Variants in PLXNA3 observed in about 807,000 individuals in gnomAD.
PLXNA3 encodes plexin A3.
PLXNA3 carries 52 observed loss-of-function variants against 118.8 expected under a neutral mutation model. The ratio of observed to expected loss-of-function variants is 0.44; its 90% confidence interval spans 0.35 to 0.55. The LOEUF (loss-of-function observed/expected upper bound fraction) is 0.55, where lower values mean the gene tolerates loss of function less well. Among genes scored for constraint, PLXNA3 ranks in the 20% least tolerant of loss-of-function variants. The pLI is 0.01. For missense variants in PLXNA3, 1,660 were observed against 1,730.8 expected, an observed-to-expected ratio of 0.96 and a Z score of 0.73; for synonymous variants, 925 against 762.4, an observed-to-expected ratio of 1.21 and a Z score of -3.51.
Position 154,462,142 on chromosome X carries a change from C to T in PLXNA3, c.1149C>T (p.Asn383=), listed in dbSNP as rs142699094. ...LPCINTPMQI[N]GNFCGLVLNQ... ...TGTTTCACCAGCCCATGCAGATCAA[C>T]GGCAACTTCTGTGGGCTGGTGTTGA... The change falls in exon 4 of 33, where the codon AAC becomes AAT. Residue 383 remains asparagine, a synonymous_variant. Coordinates refer to ENST00000369682, the MANE Select transcript of PLXNA3 (RefSeq NM_017514.5). 3.9e-5 allele frequency: 47 copies of T among 1,193,362 alleles called. No individual in the cohort carries two copies. The highest frequency in any genetic ancestry group is 2.3e-4 in the Middle Eastern group (1 of 4,281).
chrX:154,463,316 A>C (rs2069009838), intron 4 of PLXNA3, 75 bp from the exon 5 acceptor site: 1 of 1,191,764 alleles, frequency 8.4e-7, no homozygotes, highest in African/African-American at 1.7e-5. Flanking sequence ...CACAACCTCC[A>C]AAGTCTTTGG....
chrX:154,462,630 C>T (rs1411585036), intron 4 of PLXNA3, among the ~76,000 whole-genome samples: 2 of 112,043 alleles, frequency 1.8e-5, no homozygotes, highest in Non-Finnish European at 3.8e-5. Context: ...TTGCTGGGTC[C>T]TCTGTTGAAT....
In PLXNA3 at chrX:154,460,385, A is replaced by G. The variant is rs949073541; in HGVS notation, c.202A>G (p.Thr68Ala). Residue 68 changes from threonine to alanine, a missense_variant, in exon 2 of 33, where the codon ACG becomes GCG. Physicochemically the swap from Thr to Ala is moderately conservative, Grantham distance 58 (BLOSUM62 0). Around this residue, in one of 2 missense-constraint regions of PLXNA3, gnomAD observed 791 missense variants for 652.1 expected, o/e 1.21. Transcript: ENST00000369682. ...PNLTELRAHV[T>A]GPVEDNARCY... is the part of the protein sequence containing the mutation. ...CCTGACTGAGCTGCGGGCCCATGTC[A>G]CGGGGCCCGTCGAGGACAACGCTCG... The G allele has an allele frequency of 1.2e-4, 143 of 1,206,713 alleles. No homozygotes were observed. The highest frequency in any genetic ancestry group is 1.6e-4 in the Non-Finnish European group (139 of 893,138).
intron 9 of PLXNA3, 120 bp from the exon 10 acceptor site, chrX:154,464,634 C>T: frequency 2.9e-6 from 2 of 690,676 alleles, no homozygotes; most frequent in Non-Finnish European, 4.4e-6. Context: ...CTGACATCCC[C>T]ACATCTCTCT....
rs1557208260 is a variant in PLXNA3, at chrX:154,468,472, A to C, written c.4133A>C (p.Tyr1378Ser). ...TMVALQSRLD[Y>S]ATGLLKQLLA... The stretch of plus-strand genomic sequence containing the variant: ...GTGGCCCTGCAGAGCCGGCTCGACT[A>C]TGCCACGGGGCTGCTCAAGCAACTG... Residue 1378 changes from tyrosine to serine, a missense_variant, in exon 23 of 33, where the codon TAT becomes TCT. Physicochemically the swap from Tyr to Ser is moderately radical, Grantham distance 144 (BLOSUM62 -2). Around this residue, in one of 2 missense-constraint regions of PLXNA3, gnomAD observed 869 missense variants for 1,078.7 expected, o/e 0.81. Transcript: ENST00000369682. 2 of 1,211,063 alleles carry C rather than the reference A, an allele frequency of 1.7e-6. No individual in the cohort carries two copies. The highest frequency in any genetic ancestry group is 3.5e-5 in the South Asian group (2 of 57,015).
chrX:154,466,321 G>A, intron 15 of PLXNA3, 51 bp downstream of exon 15: 4 of 1,211,178 alleles, frequency 3.3e-6, no homozygotes, highest in Non-Finnish European at 4.5e-6. Flanking sequence ...CTCCCGCAAG[G>A]GGCGTGTGGA....
Position 154,468,004 on chromosome X carries a change from G to A in PLXNA3, c.3820+3G>A, listed in dbSNP as rs2069119809. The A allele has an allele frequency of 8.3e-7, 1 of 1,203,888 alleles. No individual in the cohort carries two copies. Among genetic ancestry groups the A allele is most frequent in the Non-Finnish European group, 1.1e-6 (1 of 889,082 alleles). On this transcript the variant is annotated splice_donor_region_variant and intron_variant, in intron 21 of 32. Transcript: ENST00000369682. ...TGTGGCCCTGGAGTGCAAGGAAGGT[G>A]CCTGAGGCGGGGCGGGATGTGGTGT... is the stretch of plus-strand genomic sequence containing the variant.
chrX:154,477,672 T>G lies in PLXNA3; in HGVS notation c.*4987T>G. ...TTTCCTAAATTGTCTTCAATTTCCT[T>G]GTACTCCTTGAATATCTGAATTCTA... On this transcript the variant is annotated 3_prime_UTR_variant, in exon 33 of 33. Coordinates refer to ENST00000369682, the MANE Select transcript of PLXNA3 (RefSeq NM_017514.5). 1 of 298,391 alleles carries G rather than the reference T, an allele frequency of 3.4e-6. No individual in the cohort carries two copies. Among genetic ancestry groups the G allele is most frequent in the Non-Finnish European group, 5.8e-6 (1 of 172,564 alleles). 24.6% of individuals were successfully genotyped at this position (298,391 alleles called of 1,213,427 possible).
chrX:154,467,874 G>C lies in PLXNA3; in HGVS notation c.3693G>C (p.Leu1231=), dbSNP rs374144343. Residue 1231 remains leucine, a synonymous_variant, in exon 21 of 33, where the codon CTG becomes CTC. Coordinates refer to ENST00000369682, the MANE Select transcript of PLXNA3 (RefSeq NM_017514.5). ...MMGLAAGGGL[L]LLAITAVLVA... is the part of the protein sequence containing the mutation. ...GGCTGGCGGCGGGGGGTGGGCTCCT[G>C]CTGCTGGCCATCACAGCCGTGCTGG... 2.1e-5 allele frequency: 25 copies of C among 1,207,372 alleles called. No homozygotes were observed. Among genetic ancestry groups the C allele is most frequent in the Non-Finnish European group, 2.8e-5 (25 of 894,667 alleles).
rs1484373667 is a variant in PLXNA3, at chrX:154,460,658, G to C, written c.475G>C (p.Gly159Arg). Reference protein sequence around the residue: ...DSMAGVIVEQGQGPSKLFVGT... With the variant: ...DSMAGVIVEQRQGPSKLFVGT... ...CATGGCTGGTGTCATTGTGGAGCAG[G>C]GCCAGGGGCCCAGCAAGCTGTTTGT... is the stretch of plus-strand genomic sequence containing the variant. Residue 159 changes from glycine (G) to arginine (R), a missense_variant, in exon 2 of 33, where the codon GGC (glycine) becomes CGC (arginine). Gly to Arg is a moderately radical substitution (Grantham distance 125). Transcript: ENST00000369682. 6 of 1,167,656 alleles carry C rather than the reference G, an allele frequency of 5.1e-6. No individual in the cohort carries two copies. Among genetic ancestry groups the C allele is most frequent in the Admixed American group, 2.5e-5 (1 of 39,528 alleles).
At position 154,460,604 on chromosome X, in the gene PLXNA3, T is replaced by C. The variant is rs2068932011; in HGVS notation, c.421T>C (p.Tyr141His). The C allele has an allele frequency of 8.4e-7, 1 of 1,196,821 alleles. No homozygotes were observed. Among genetic ancestry groups the C allele is most frequent in the Admixed American group, 2.2e-5 (1 of 44,767 alleles). ...TGAGCCGCACCACCGCAAGGAGCAC[T>C]ACCTGTCGGGGGCCCAGGAGCCCGA... ...LGEPHHRKEH[Y>H]LSGAQEPDSM... The change falls in exon 2 of 33, where the codon TAC becomes CAC. Residue 141 changes from tyrosine (Y) to histidine (H), a missense_variant. By Grantham distance (83) the Tyr-to-His change is moderately conservative (BLOSUM62 2). This residue lies in a region of PLXNA3 where 791 missense variants were observed against 652.1 expected (regional missense o/e 1.21). Coordinates refer to ENST00000369682, the MANE Select transcript of PLXNA3 (RefSeq NM_017514.5).
intron 2 of PLXNA3, 89 bp downstream of exon 2, chrX:154,460,866 G>T: frequency 1.4e-6 from 1 of 728,459 alleles, no homozygotes; most frequent in Non-Finnish European, 2.0e-6. Context: ...GGGACTTTCG[G>T]CTCCTCAGTG....
At chrX:154,461,772 G>C in intron 3 of PLXNA3, 134 bp downstream of exon 3, 1 of 619,221 alleles carries the variant, frequency 1.6e-6, no homozygotes, top group Non-Finnish European at 2.5e-6. Context: ...CCTCCCACCT[G>C]TTTCTCCCTC....
chrX:154,468,206 G>A lies in PLXNA3; in HGVS notation c.3945G>A (p.Pro1315=), dbSNP rs953212212. The change falls in exon 22 of 33, where the codon CCG becomes CCA. Residue 1315 remains proline (P), a synonymous_variant. Coordinates refer to ENST00000369682, the MANE Select transcript of PLXNA3 (RefSeq NM_017514.5). ...RVLFPGIEAH[P]VLKELDTPPN... ...TCTTCCCGGGCATCGAGGCCCACCC[G>A]GTGCTCAAGGAGCTGGATGTGAGCC... 9.3e-6 allele frequency: 11 copies of A among 1,179,777 alleles called. No individual in the cohort carries two copies. Among genetic ancestry groups the A allele is most frequent in the Non-Finnish European group, 1.3e-5 (11 of 878,168 alleles).
chrX:154,460,528 C>G lies in PLXNA3; in HGVS notation c.345C>G (p.Ile115Met). The change falls in exon 2 of 33, where the codon ATC becomes ATG. Residue 115 changes from isoleucine to methionine, a missense_variant. By Grantham distance (10) the Ile-to-Met change is conservative. Around this residue, in one of 2 missense-constraint regions of PLXNA3, gnomAD observed 791 missense variants for 652.1 expected, o/e 1.21. Transcript: ENST00000369682. ...AARRLVACGS[I>M]WQGICQFLRL... Reference sequence around the variant, plus strand: ...GCCGCCTGGTGGCCTGCGGCAGCATCTGGCAGGGCATCTGCCAGTTCCTGC... The same window carrying G: ...GCCGCCTGGTGGCCTGCGGCAGCATGTGGCAGGGCATCTGCCAGTTCCTGC... 8.3e-7 allele frequency: 1 copy of G among 1,210,382 alleles called. No individual in the cohort carries two copies. The highest frequency in any genetic ancestry group is 1.1e-6 in the Non-Finnish European group (1 of 894,819).
In PLXNA3 at chrX:154,473,253, G is replaced by T. The variant is rs2069209003; in HGVS notation, c.*568G>T. The T allele has an allele frequency of 8.9e-6, 1 of 112,857 alleles. No individual in the cohort carries two copies. Among genetic ancestry groups the T allele is most frequent in the African/African-American group, 3.2e-5 (1 of 30,992 alleles). The allele number at this position is 112,857 out of a possible 1,213,427, so 9.3% of individuals were successfully genotyped here. A position where few individuals can be genotyped will look rare whatever the true frequency, so the allele number is the denominator to read the frequency against. ...CCAAAGCTTCCTCAGAATTGTGGCT[G>T]TGCCACGCTGGACCACAGGGTCCCC... On this transcript the variant is annotated 3_prime_UTR_variant, in exon 33 of 33. Coordinates refer to ENST00000369682, the MANE Select transcript of PLXNA3 (RefSeq NM_017514.5).
rs1181537025 is a variant in PLXNA3 at position 154,474,175 on chromosome X, G to A, written c.*1490G>A. The A allele has an allele frequency of 9.0e-6, 1 of 111,467 alleles. No individual in the cohort carries two copies. Among genetic ancestry groups the A allele is most frequent in the African/African-American group, 3.3e-5 (1 of 30,565 alleles). The allele number at this position is 111,467 out of a possible 1,213,427, so 9.2% of individuals were successfully genotyped here. The stretch of plus-strand genomic sequence containing the variant: ...ATTTATTTATTTATTTTGAGACAGA[G>A]TGTAGCTGTGTTGCCCAGGCTGGAG... On this transcript the variant is annotated 3_prime_UTR_variant, in exon 33 of 33. Transcript: ENST00000369682.
Position 154,460,465 on chromosome X carries a change from C to G in PLXNA3, c.282C>G (p.Asp94Glu), listed in dbSNP as rs1557203449. 2 of 1,205,726 alleles carry G rather than the reference C, an allele frequency of 1.7e-6. No individual in the cohort carries two copies. Among genetic ancestry groups the G allele is most frequent in the Non-Finnish European group, 2.2e-6 (2 of 891,686 alleles). The change falls in exon 2 of 33, where the codon GAC becomes GAG. Residue 94 changes from aspartate (D) to glutamate (E), a missense_variant. Transcript: ENST00000369682. ...RVCAHRLAPVDNINKLLLIDY... is the reference protein window; with the variant it reads ...RVCAHRLAPVENINKLLLIDY... ...GTGCCCACCGCCTGGCCCCCGTGGACAACATCAACAAGCTGCTGCTCATAG... is the reference window on the plus strand; with the variant it reads ...GTGCCCACCGCCTGGCCCCCGTGGAGAACATCAACAAGCTGCTGCTCATAG...
Position 154,464,307 on chromosome X carries a change from G to A in PLXNA3, c.1822G>A (p.Gly608Arg). Residue 608 changes from glycine to arginine, a missense_variant, in exon 8 of 33, where the codon GGG (glycine) becomes AGG (arginine). Transcript: ENST00000369682. ...CCAGGAGCTCCGAGCTCTTACCAGGGGGCATGGTCAGTGGGTTGGGGCTGC... is the reference window on the plus strand; with the variant it reads ...CCAGGAGCTCCGAGCTCTTACCAGGAGGCATGGTCAGTGGGTTGGGGCTGC... ...SLQELRALTRGHGATRTVRLQ... is the reference protein window; with the variant it reads ...SLQELRALTRRHGATRTVRLQ... 8.3e-7 allele frequency: 1 copy of A among 1,207,446 alleles called. No individual in the cohort carries two copies. The highest frequency in any genetic ancestry group is 1.1e-6 in the Non-Finnish European group (1 of 894,334).
Sources: gnomAD v4.1 joint callset for allele counts (sites outside exome capture counted in the v4.1 genomes callset) on GRCh38, gnomAD v4.1.1 for gene constraint, gnomAD v4.1.1 regional missense constraint, MANE v1.5 for transcripts, NCBI Gene and HGNC (gene_info 2026-07-23, HGNC 2026-07-21) for gene names.